Variants in RSL1D1 observed in about 807,000 individuals in gnomAD.
The protein encoded by RSL1D1 is ribosomal L1 domain containing 1.
In RSL1D1, 34 loss-of-function variants were observed where a neutral mutation model predicts 44.6. The observed-to-expected ratio is 0.76, with a 90% CI of 0.58 to 1.02. RSL1D1 has a LOEUF of 1.02. Among genes scored for constraint, RSL1D1 ranks in the 50% least tolerant of loss-of-function variants. The pLI is 0.00. For missense variants in RSL1D1, 767 were observed against 568.1 expected, an observed-to-expected ratio of 1.35 and a Z score of -3.56; for synonymous variants, 271 against 207.4, an observed-to-expected ratio of 1.31 and a Z score of -2.63.
intron 7 of RSL1D1, chr16:11,841,336 A>AG (rs1296488121): frequency 5.7e-6 from 1 of 175,348 alleles, no homozygotes; most frequent in Non-Finnish European, 1.2e-5. Context: ...TGAGCTCAGG[A>AG]GGTCAAGGCT....
Position 11,841,524 on chromosome 16 carries a change from A to G in RSL1D1, c.855+171T>C, listed in dbSNP as rs2053763678. ...ATTACTAACATCAACTACCTCATGT[A>G]AAGTGACAAAAGCATACCCATTTTA... On this transcript the variant is annotated intron_variant, in intron 7 of 8. Coordinates refer to ENST00000571133, the MANE Select transcript of RSL1D1 (RefSeq NM_015659.3). The G allele has an allele frequency of 1.2e-5, 7 of 582,536 alleles. No homozygotes were observed. In the Admixed American group the frequency reaches 1.7e-4, roughly 14 times the overall value. 36.1% of individuals were successfully genotyped at this position (582,536 alleles called of 1,614,324 possible).
intron 5 of RSL1D1, among the ~76,000 whole-genome samples, chr16:11,843,670 C>A (rs1233621960): frequency 6.6e-6 from 1 of 151,628 alleles, no homozygotes; most frequent in Non-Finnish European, 1.5e-5. Context: ...AGACCGAGAC[C>A]ATCCTGGTTA....
rs916134473 is a variant in RSL1D1, at chr16:11,835,559, T to G, written c.*2228A>C. On this transcript the variant is annotated 3_prime_UTR_variant, in exon 9 of 9. Transcript: ENST00000571133. ...CCCAGGCTGGAGTGCAGGATCGTGATCATGGCCCATTGCAGCCTCTACCTC... is the reference window on the plus strand; with the variant it reads ...CCCAGGCTGGAGTGCAGGATCGTGAGCATGGCCCATTGCAGCCTCTACCTC... The G allele has an allele frequency of 2.6e-5, 4 of 152,200 alleles. No homozygotes were observed. The highest frequency in any genetic ancestry group is 4.4e-5 in the Non-Finnish European group (3 of 68,130). The allele number at this position is 152,200 out of a possible 1,614,324, so 9.4% of individuals were successfully genotyped here.
chr16:11,850,799 C>T (rs949105654), intron 1 of RSL1D1, among the ~76,000 whole-genome samples: 1 of 152,222 alleles, frequency 6.6e-6, no homozygotes, highest in African/African-American at 2.4e-5. Flanking sequence ...TGGCAATTCT[C>T]CTGCCTCAGC....
intron 7 of RSL1D1, chr16:11,841,376 C>A: frequency 4.2e-6 from 1 of 235,748 alleles, no homozygotes; most frequent in South Asian, 5.2e-5. Flanking sequence ...TCACTGTGCT[C>A]CAGCCTGGGG....
Position 11,838,041 on chromosome 16 carries a change from T to G in RSL1D1, c.1219A>C (p.Arg407=). The G allele has an allele frequency of 6.2e-7, 1 of 1,613,870 alleles. No homozygotes were observed. Among genetic ancestry groups the G allele is most frequent in the African/African-American group, 1.3e-5 (1 of 74,968 alleles). The change falls in exon 9 of 9, where the codon AGA becomes CGA. Residue 407 remains arginine, a synonymous_variant. Coordinates refer to ENST00000571133, the MANE Select transcript of RSL1D1 (RefSeq NM_015659.3). ...GTCTCAGATGCTGGCAAAGCCTTTC[T>G]TTTCTTCCCACGAGGTGTGCTGGGA... is the stretch of plus-strand genomic sequence containing the variant. The part of the protein sequence containing the change: ...PNPSTPRGKK[R]KALPASETPK...
Position 11,847,820 on chromosome 16 carries a change from G to A in RSL1D1, c.246-14C>T. On this transcript the variant is annotated splice_polypyrimidine_tract_variant and intron_variant, in intron 2 of 8. Coordinates refer to ENST00000571133, the MANE Select transcript of RSL1D1 (RefSeq NM_015659.3). ...TGAGGCAAGGTCCTACAAAATACGT[G>A]AAAAGAAACCGAGGAAAGCATTATT... is the stretch of plus-strand genomic sequence containing the variant. The A allele has an allele frequency of 3.1e-6, 5 of 1,610,458 alleles. No homozygotes were observed. The South Asian group carries it at 4.4e-5, about 14-fold the overall frequency.
intron 5 of RSL1D1, among the ~76,000 whole-genome samples, chr16:11,844,412 G>A (rs991479293): frequency 5.9e-5 from 9 of 152,046 alleles, no homozygotes; most frequent in African/African-American, 2.2e-4. Flanking sequence ...ATACTCATGG[G>A]TCCCATAAAC....
chr16:11,840,967 T>C (rs1413011051), intron 7 of RSL1D1, among the ~76,000 whole-genome samples: 1 of 152,218 alleles, frequency 6.6e-6, no homozygotes, highest in East Asian at 1.9e-4. Flanking sequence ...ATTATGTCAA[T>C]TCCTTTTATT....
intron 5 of RSL1D1, among the ~76,000 whole-genome samples, chr16:11,843,871 CAAA>C (rs35833714): frequency 1.5e-4 from 8 of 53,558 alleles, no homozygotes; most frequent in Admixed American, 3.0e-4. Context: ...AACTCTGTCT[CAAA>C]AAAAAAAAAA....
At position 11,836,148 on chromosome 16, in the gene RSL1D1, T is replaced by A. The variant is rs1416710328; in HGVS notation, c.*1639A>T. 1 of 152,216 alleles carries A rather than the reference T, an allele frequency of 6.6e-6. No individual in the cohort carries two copies. Among genetic ancestry groups the A allele is most frequent in the Non-Finnish European group, 1.5e-5 (1 of 68,044 alleles). The allele number at this position is 152,216 out of a possible 1,614,324, so 9.4% of individuals were successfully genotyped here. The stretch of plus-strand genomic sequence containing the variant: ...CCTTCTGACCTTCACATTCTCACCA[T>A]CTGTTTCTTTGTTGGATTACCAATA... On this transcript the variant is annotated 3_prime_UTR_variant, in exon 9 of 9. Coordinates refer to ENST00000571133, the MANE Select transcript of RSL1D1 (RefSeq NM_015659.3).
chr16:11,835,473 A>AT lies in RSL1D1; in HGVS notation c.*2313dup, dbSNP rs1271669926. 13 of 150,124 alleles carry AT rather than the reference A, an allele frequency of 8.7e-5. 1 individual carries two copies. Among genetic ancestry groups the AT allele is most frequent in the African/African-American group, 3.0e-4 (12 of 40,546 alleles). 9.3% of individuals were successfully genotyped at this position (150,124 alleles called of 1,614,324 possible). A position where few individuals can be genotyped will look rare whatever the true frequency, so the allele number is the denominator to read the frequency against. ...GATGTGAGCCACCACGCCCAGCCTC[A>AT]TTTTTTTTGAGACTGGGCCAGGGAA... On this transcript the variant is annotated 3_prime_UTR_variant, in exon 9 of 9. Coordinates refer to ENST00000571133, the MANE Select transcript of RSL1D1 (RefSeq NM_015659.3).
At chr16:11,846,452 T>C (rs761145766) in intron 5 of RSL1D1, 49 bp downstream of exon 5, 37 of 971,304 alleles carry the variant, frequency 3.8e-5, no homozygotes, top group Non-Finnish European at 4.1e-5. Context: ...TATAAAATCA[T>C]TGTCAAATAC....
chr16:11,842,813 T>C (rs951741424), intron 5 of RSL1D1, among the ~76,000 whole-genome samples: 1 of 151,956 alleles, frequency 6.6e-6, no homozygotes, highest in Non-Finnish European at 1.5e-5. Flanking sequence ...TGAAGTGCAG[T>C]GACGTGATCT....
At position 11,837,041 on chromosome 16, in the gene RSL1D1, G is replaced by C. The variant is rs935631579; in HGVS notation, c.*746C>G. On this transcript the variant is annotated 3_prime_UTR_variant, in exon 9 of 9. Transcript: ENST00000571133. ...CAGGCTACAGCACAGTGGGGTGATC[G>C]TGGCTCACTGGAGCCTCAACCTCTT... 1 of 152,138 alleles carries C rather than the reference G, an allele frequency of 6.6e-6. No homozygotes were observed. The highest frequency in any genetic ancestry group is 1.5e-5 in the Non-Finnish European group (1 of 68,050). The allele number at this position is 152,138 out of a possible 1,614,324, so 9.4% of individuals were successfully genotyped here.
intron 3 of RSL1D1, among the ~76,000 whole-genome samples, chr16:11,847,314 G>A (rs910738373): frequency 6.6e-6 from 1 of 152,162 alleles, no homozygotes; most frequent in African/African-American, 2.4e-5. Context: ...GGTGGAGGTT[G>A]CAGTGAGCCG....
rs2053704901 is a variant in RSL1D1, at chr16:11,834,722, A to C, written c.*3065T>G. On this transcript the variant is annotated 3_prime_UTR_variant, in exon 9 of 9. Coordinates refer to ENST00000571133, the MANE Select transcript of RSL1D1 (RefSeq NM_015659.3). Reference sequence around the variant, plus strand: ...ACCCCCACATTTTAGATGTATATTCATTTATAGAAGCCCAAAAGGACAGTG... The same window carrying C: ...ACCCCCACATTTTAGATGTATATTCCTTTATAGAAGCCCAAAAGGACAGTG... 6.6e-6 allele frequency: 1 copy of C among 152,248 alleles called. No individual in the cohort carries two copies. The highest frequency in any genetic ancestry group is 2.1e-4 in the South Asian group (1 of 4,836). The allele number at this position is 152,248 out of a possible 1,614,324, so 9.4% of individuals were successfully genotyped here.
chr16:11,839,546 AG>A (rs1391134841), intron 8 of RSL1D1, 148 bp downstream of exon 8: 580 of 621,220 alleles, frequency 9.3e-4, no homozygotes, highest in Non-Finnish European at 1.3e-3. Context: ...AAAAAAAAAA[AG>A]GTACAATAAA....
chr16:11,846,406 A>AT lies in RSL1D1; in HGVS notation c.635+94_635+95insA. 4.1e-6 allele frequency: 3 copies of AT among 738,078 alleles called. No individual in the cohort carries two copies. In the South Asian group the frequency reaches 5.6e-5, roughly 14 times the overall value. The allele number at this position is 738,078 out of a possible 1,614,324, so 45.7% of individuals were successfully genotyped here. A position where few individuals can be genotyped will look rare whatever the true frequency, so the allele number is the denominator to read the frequency against. ...TAAGACTCCATCTCAAAAAAAAAAA[A>AT]CAAAAACAAAAAACAAAACAAAACG... On this transcript the variant is annotated intron_variant, in intron 5 of 8. Transcript: ENST00000571133.
Sources: allele counts gnomAD v4.1 joint callset (sites outside exome capture counted in the v4.1 genomes callset), GRCh38; gene constraint gnomAD v4.1.1; transcripts MANE v1.5; gene names NCBI Gene and HGNC (gene_info 2026-07-23, HGNC 2026-07-21).